The following HIPK2 variants were observed in gnomAD, a reference collection of about 807,000 sequenced individuals.
The protein encoded by HIPK2 is homeodomain-interacting protein kinase 2.
HIPK2 carries 27 observed loss-of-function variants against 113.7 expected under a neutral mutation model. That is an observed-to-expected ratio of 0.24 (90% CI 0.17 to 0.33). HIPK2 has a LOEUF of 0.33. Among genes scored for constraint, HIPK2 ranks in the 10% least tolerant of loss-of-function variants. The pLI is 1.00. For synonymous variants in HIPK2, 631 were observed against 642.2 expected (o/e 0.98, Z 0.26); for missense variants, 1,257 against 1,588.0 (o/e 0.79, Z 3.54).
In HIPK2 at chr7:139,647,999, C is replaced by A. The variant is rs545673262; in HGVS notation, c.1104-16274G>T. The stretch of plus-strand genomic sequence containing the variant: ...AGAGATCAAAAGTTCCTTGAGGAGA[C>A]AGAACCTATATTTGCTTCCCAGGGA... On this transcript the variant is annotated intron_variant, in intron 2 of 14. Transcript: ENST00000406875. Among the ~76,000 whole-genome samples, 65 of 152,178 alleles carry A rather than the reference C, an allele frequency of 4.3e-4. 1 individual carries two copies. The highest frequency in any genetic ancestry group is 7.3e-4 in the Non-Finnish European group (50 of 68,028).
At chr7:139,639,671 C>T (rs1052654904) in intron 2 of HIPK2, among the ~76,000 whole-genome samples, 4 of 152,158 alleles carry the variant, frequency 2.6e-5, no homozygotes, top group African/African-American at 9.7e-5. Flanking sequence ...CTACCACACA[C>T]AGAGCAGCGC....
intron 1 of HIPK2, among the ~76,000 whole-genome samples, chr7:139,775,883 C>G (rs1189727173): frequency 6.6e-6 from 1 of 152,208 alleles, no homozygotes; most frequent in Non-Finnish European, 1.5e-5. Flanking sequence ...CACCCCAACT[C>G]ACATACCCGG....
rs1420497638 is a variant in HIPK2, at chr7:139,573,073, G to A, written c.3451C>T (p.Arg1151Trp). Residue 1151 changes from arginine to tryptophan, a missense_variant, in exon 15 of 15, where the codon CGG becomes TGG. Physicochemically the swap from Arg to Trp is moderately radical, Grantham distance 101. Around this residue, in one of 5 missense-constraint regions of HIPK2, gnomAD observed 862 missense variants for 1,004.3 expected, o/e 0.86. Coordinates refer to ENST00000406875, the MANE Select transcript of HIPK2 (RefSeq NM_022740.5). ...VHQVPVSMGP[R>W]VLPSPTIHPS... ...TGGATGGTGGGCGAGGGCAGGACCC[G>A]GGGGCCCATGCTCACGGGGACCTGG... The A allele has an allele frequency of 1.2e-6, 2 of 1,611,464 alleles. No homozygotes were observed. The highest frequency in any genetic ancestry group is 1.1e-5 in the South Asian group (1 of 90,636).
At chr7:139,758,650 C>A (rs1796400977) in intron 1 of HIPK2, among the ~76,000 whole-genome samples, 1 of 152,136 alleles carries the variant, frequency 6.6e-6, no homozygotes. Context: ...CTACTGTGAA[C>A]TGCGCATGCG....
chr7:139,742,177 G>A (rs1021065166), intron 1 of HIPK2, among the ~76,000 whole-genome samples: 1 of 152,194 alleles, frequency 6.6e-6, no homozygotes, highest in Non-Finnish European at 1.5e-5. Context: ...CAATGGAGTG[G>A]GAGTTAGAAA....
At position 139,631,910 on chromosome 7, in the gene HIPK2, T is replaced by C; in HGVS notation, c.1104-185A>G. The C allele has an allele frequency of 3.7e-6, 1 of 273,842 alleles. No homozygotes were observed. Among genetic ancestry groups the C allele is most frequent in the Non-Finnish European group, 5.6e-6 (1 of 179,772 alleles). 17.0% of individuals were successfully genotyped at this position (273,842 alleles called of 1,614,324 possible). On this transcript the variant is annotated intron_variant, in intron 2 of 14. Coordinates refer to ENST00000406875, the MANE Select transcript of HIPK2 (RefSeq NM_022740.5). This position sits in a 1 kb window ranked among gnomAD's most constrained non-coding sequence, Gnocchi z 4.9. ...TCTTTGGCTTGGTCCCCTCCATTAG[T>C]GGAGGGCCCACTTGGAAGGTTGGCT...
In HIPK2 at chr7:139,575,365, A is replaced by G; in HGVS notation, c.2966-77T>C. 7 of 1,456,152 alleles carry G rather than the reference A, an allele frequency of 4.8e-6. 1 individual carries two copies. The highest frequency in any genetic ancestry group is 3.6e-4 in the Middle Eastern group (2 of 5,592). The allele number at this position is 1,456,152 out of a possible 1,614,324, so 90.2% of individuals were successfully genotyped here. ...AGAAGATGCTACCCCACCAGAGAAC[A>G]GTGGTCTTCCAGGAAGAAACATGTG... On this transcript the variant is annotated intron_variant, in intron 13 of 14. Transcript: ENST00000406875.
At chr7:139,582,079 T>C (rs553798937) in intron 13 of HIPK2, among the ~76,000 whole-genome samples, 1 of 152,352 alleles carries the variant, frequency 6.6e-6, no homozygotes, top group East Asian at 1.9e-4. Flanking sequence ...CTTTGGTTAC[T>C]GCTAGAGAAT....
chr7:139,753,936 T>C (rs967197768), intron 1 of HIPK2, among the ~76,000 whole-genome samples: 1 of 152,254 alleles, frequency 6.6e-6, no homozygotes, highest in Non-Finnish European at 1.5e-5. Flanking sequence ...ACTGGCACTT[T>C]TCCTAGACTA....
intron 1 of HIPK2, among the ~76,000 whole-genome samples, chr7:139,722,268 T>C (rs1585421332): frequency 1.3e-5 from 2 of 152,342 alleles, no homozygotes; most frequent in East Asian, 3.9e-4. Flanking sequence ...ATATATGCTA[T>C]AGTTAGAAGA....
intron 2 of HIPK2, among the ~76,000 whole-genome samples, chr7:139,643,019 G>A (rs796850697): frequency 1.3e-5 from 2 of 152,188 alleles, no homozygotes; most frequent in African/African-American, 2.4e-5. Flanking sequence ...TGTAATACAC[G>A]TAGAACCACT....
chr7:139,578,227 C>A (rs1408041640), intron 13 of HIPK2, among the ~76,000 whole-genome samples: 1 of 152,122 alleles, frequency 6.6e-6, no homozygotes, highest in African/African-American at 2.4e-5. Flanking sequence ...CCAGGCTGGT[C>A]TCGAATTCCT....
rs1014567080 is a variant in HIPK2 at position 139,566,435 on chromosome 7, G to A, written c.*6492C>T. Reference sequence around the variant, plus strand: ...ATGAGCAATTCCCAGCACAGTGTGTGGCATGCAGGAAGCGGGAGTATCACT... The same window carrying A: ...ATGAGCAATTCCCAGCACAGTGTGTAGCATGCAGGAAGCGGGAGTATCACT... On this transcript the variant is annotated 3_prime_UTR_variant, in exon 15 of 15. Transcript: ENST00000406875. This position sits in a 1 kb window ranked among gnomAD's most constrained non-coding sequence, Gnocchi z 4.1. 2 of 152,202 alleles carry A rather than the reference G, an allele frequency of 1.3e-5. No homozygotes were observed. Among genetic ancestry groups the A allele is most frequent in the Non-Finnish European group, 2.9e-5 (2 of 68,048 alleles). 9.4% of individuals were successfully genotyped at this position (152,202 alleles called of 1,614,324 possible).
chr7:139,643,381 T>TACACACACACAC (rs61058916), intron 2 of HIPK2, among the ~76,000 whole-genome samples: 11 of 148,238 alleles, frequency 7.4e-5, no homozygotes, highest in South Asian at 2.1e-4. Context: ...ATGTACTAAA[T>TACACACACACAC]ACACACACAC....
At position 139,569,998 on chromosome 7, in the gene HIPK2, T is replaced by C. The variant is rs969822294; in HGVS notation, c.*2929A>G. 4.6e-5 allele frequency: 7 copies of C among 152,050 alleles called. No homozygotes were observed. The highest frequency in any genetic ancestry group is 1.0e-4 in the Non-Finnish European group (7 of 68,006). The allele number at this position is 152,050 out of a possible 1,614,324, so 9.4% of individuals were successfully genotyped here. A position where few individuals can be genotyped will look rare whatever the true frequency, so the allele number is the denominator to read the frequency against. ...TCTGGAAGAATAAAAGGAAAGAAAATGTCAGGTGAAAGAGTAAGTAGCCTC... is the reference window on the plus strand; with the variant it reads ...TCTGGAAGAATAAAAGGAAAGAAAACGTCAGGTGAAAGAGTAAGTAGCCTC... On this transcript the variant is annotated 3_prime_UTR_variant, in exon 15 of 15. Coordinates refer to ENST00000406875, the MANE Select transcript of HIPK2 (RefSeq NM_022740.5).
chr7:139,769,655 G>T (rs1219581713), intron 1 of HIPK2, among the ~76,000 whole-genome samples: 1 of 152,118 alleles, frequency 6.6e-6, no homozygotes, highest in African/African-American at 2.4e-5. Context: ...CTTTCTATAG[G>T]AATACCTCAT....
chr7:139,607,231 CG>C (rs1799650361), intron 9 of HIPK2, among the ~76,000 whole-genome samples: 2 of 151,358 alleles, frequency 1.3e-5, no homozygotes, highest in African/African-American at 4.9e-5. Context: ...ATAAGAAAAT[CG>C]GAAGATCAAT....
rs141087232 is a variant in HIPK2 at position 139,658,673 on chromosome 7, C to T, written c.1104-26948G>A. On this transcript the variant is annotated intron_variant, in intron 2 of 14. Coordinates refer to ENST00000406875, the MANE Select transcript of HIPK2 (RefSeq NM_022740.5). ...GAGACAGTCAGAGTTCTGGTAGGTA[C>T]GGCAGAGTTGGGAGGTGCTGTGAAG... Among the ~76,000 whole-genome samples, 349 of 152,256 alleles carry T rather than the reference C, an allele frequency of 2.3e-3. 2 individuals are homozygous for T. Among genetic ancestry groups the T allele is most frequent in the Non-Finnish European group, 4.5e-3 (307 of 68,016 alleles).
At chr7:139,672,472 CT>C (rs555972205) in intron 2 of HIPK2, among the ~76,000 whole-genome samples, 5 of 150,004 alleles carry the variant, frequency 3.3e-5, no homozygotes, top group South Asian at 2.1e-4. Flanking sequence ...TTACAAGTAA[CT>C]TTTTTTTTTG....
Sources: gnomAD v4.1 joint callset for allele counts (sites outside exome capture counted in the v4.1 genomes callset) on GRCh38, gnomAD v4.1.1 for gene constraint, gnomAD v4.1.1 regional missense constraint, Gnocchi (gnomAD v3.1) non-coding constraint, MANE v1.5 for transcripts, NCBI Gene and HGNC (gene_info 2026-07-23, HGNC 2026-07-21) for gene names.